The following RASA2 variants were observed in gnomAD, a reference collection of about 807,000 sequenced individuals.
RASA2 encodes the protein RAS p21 protein activator 2.
A neutral mutation model predicts 118.2 loss-of-function variants in RASA2; 155 were observed. The observed-to-expected ratio is 1.31, with a 90% CI of 1.15 to 1.50. The LOEUF is 1.50. Among genes scored for constraint, RASA2 ranks in the 40% most tolerant of loss-of-function variants. RASA2 has a pLI of 0.00. For missense variants in RASA2, 1,016 were observed against 1,009.6 expected (o/e 1.01, Z -0.09); for synonymous variants, 353 against 349.1 (o/e 1.01, Z -0.12).
At chr3:141,508,411 G>T (rs2081901499) in intron 1 of RASA2, among the ~76,000 whole-genome samples, 1 of 151,870 alleles carries the variant, frequency 6.6e-6, no homozygotes, top group Non-Finnish European at 1.5e-5. Context: ...TTGAGACAGG[G>T]TCTTGCTCTT....
chr3:141,545,837 T>A lies in RASA2; in HGVS notation c.527+5228T>A, dbSNP rs563601096. Reference sequence around the variant, plus strand: ...AATACGAGATCTTATCCATTATATCTAACTATATTTTTGTACCCTCACTTC... The same window carrying A: ...AATACGAGATCTTATCCATTATATCAAACTATATTTTTGTACCCTCACTTC... On this transcript the variant is annotated intron_variant, in intron 5 of 23. Coordinates refer to ENST00000286364, the MANE Select transcript of RASA2 (RefSeq NM_006506.5). Among the ~76,000 whole-genome samples, 14 of 152,276 alleles carry A rather than the reference T, an allele frequency of 9.2e-5. No homozygotes were observed. The East Asian group carries it at 1.7e-3, about 19-fold the overall frequency.
intron 15 of RASA2, among the ~76,000 whole-genome samples, chr3:141,577,378 A>T (rs1409713172): frequency 6.6e-6 from 1 of 152,116 alleles, no homozygotes; most frequent in Non-Finnish European, 1.5e-5. Flanking sequence ...ATATTTTTTC[A>T]TCTGCTACTG....
intron 12 of RASA2, 97 bp from the exon 13 acceptor site, chr3:141,573,050 A>T: frequency 9.1e-7 from 1 of 1,102,958 alleles, no homozygotes; most frequent in South Asian, 1.7e-5. Context: ...TACAGTTTAA[A>T]TTTCTATAAT....
intron 5 of RASA2, among the ~76,000 whole-genome samples, chr3:141,546,749 A>G (rs1467912698): frequency 6.6e-6 from 1 of 152,144 alleles, no homozygotes; most frequent in African/African-American, 2.4e-5. Flanking sequence ...GCTTGTGGCA[A>G]CCATTATGCA....
Position 141,570,973 on chromosome 3 carries a change from C to T in RASA2, c.925C>T (p.Leu309Phe), listed in dbSNP as rs1416116938. 6 of 1,612,482 alleles carry T rather than the reference C, an allele frequency of 3.7e-6. No homozygotes were observed. The highest frequency in any genetic ancestry group is 1.3e-5 in the African/African-American group (1 of 74,820). Reference sequence around the variant, plus strand: ...ATCCAAAACTGATGACCTGGGGTCTCTTCGATTAAATATATGTTATACAGA... The same window carrying T: ...ATCCAAAACTGATGACCTGGGGTCTTTTCGATTAAATATATGTTATACAGA... ...KSSKTDDLGS[L>F]RLNICYTEDY... The change falls in exon 10 of 24, where the codon CTT becomes TTT. Residue 309 changes from leucine (L) to phenylalanine (F), a missense_variant. Physicochemically the swap from Leu to Phe is conservative, Grantham distance 22 (BLOSUM62 0). Around this residue, in one of 2 missense-constraint regions of RASA2, gnomAD observed 896 missense variants for 836.4 expected, o/e 1.07. Coordinates refer to ENST00000286364, the MANE Select transcript of RASA2 (RefSeq NM_006506.5).
chr3:141,536,096 T>C (rs762359856), intron 4 of RASA2, among the ~76,000 whole-genome samples: 11 of 152,230 alleles, frequency 7.2e-5, no homozygotes, highest in Non-Finnish European at 1.3e-4. Context: ...CTTCAAATAG[T>C]ACCTGTATTA....
intron 19 of RASA2, chr3:141,587,002 C>G: frequency 2.1e-6 from 1 of 475,862 alleles, no homozygotes; most frequent in Non-Finnish European, 3.8e-6. Context: ...TTCTAAAAAT[C>G]CATAGTAATC....
chr3:141,611,741 A>G (rs1398266860), intron 23 of RASA2, among the ~76,000 whole-genome samples: 1 of 152,188 alleles, frequency 6.6e-6, no homozygotes, highest in East Asian at 1.9e-4. Context: ...CAATTTGACA[A>G]GTATAAATAT....
At chr3:141,536,601 C>T (rs1311037067) in intron 4 of RASA2, among the ~76,000 whole-genome samples, 4 of 152,044 alleles carry the variant, frequency 2.6e-5, no homozygotes, top group African/African-American at 4.8e-5. Context: ...TTATTAAAGA[C>T]GTATAATACA....
chr3:141,593,897 G>A (rs2083323274), intron 19 of RASA2, among the ~76,000 whole-genome samples: 1 of 152,172 alleles, frequency 6.6e-6, no homozygotes, highest in Non-Finnish European at 1.5e-5. Context: ...AGGCCAGTAT[G>A]TAATGGAACA....
intron 1 of RASA2, among the ~76,000 whole-genome samples, chr3:141,488,607 A>G (rs1174326090): frequency 6.6e-6 from 1 of 152,236 alleles, no homozygotes; most frequent in African/African-American, 2.4e-5. Context: ...AAGTGACACC[A>G]GAGAGGTAGA....
intron 19 of RASA2, among the ~76,000 whole-genome samples, chr3:141,589,569 G>A (rs1031025185): frequency 1.3e-5 from 2 of 152,088 alleles, no homozygotes; most frequent in South Asian, 2.1e-4. Flanking sequence ...CTGGCCGGGC[G>A]CGGTGGCTCA....
At chr3:141,563,582 C>A (rs1156424876) in intron 9 of RASA2, among the ~76,000 whole-genome samples, 1 of 151,928 alleles carries the variant, frequency 6.6e-6, no homozygotes, top group Non-Finnish European at 1.5e-5. Flanking sequence ...TACTGTGTGC[C>A]AGGAACTATT....
chr3:141,553,717 A>C, intron 5 of RASA2, 140 bp from the exon 6 acceptor site: 5 of 1,378,382 alleles, frequency 3.6e-6, no homozygotes, highest in Non-Finnish European at 4.7e-6. Context: ...TATTCCATAT[A>C]GGTAGTATAT....
intron 10 of RASA2, 121 bp downstream of exon 10, chr3:141,571,189 C>CAT (rs1405557200): frequency 9.1e-7 from 1 of 1,104,082 alleles, no homozygotes; most frequent in Non-Finnish European, 1.3e-6. Flanking sequence ...TATATACATA[C>CAT]ATATATATAC....
At chr3:141,598,876 G>A (rs1246589322) in intron 19 of RASA2, among the ~76,000 whole-genome samples, 1 of 152,084 alleles carries the variant, frequency 6.6e-6, no homozygotes, top group Non-Finnish European at 1.5e-5. Context: ...CTTGAGGTCA[G>A]GAGTTCAAGA....
intron 2 of RASA2, 52 bp from the exon 3 acceptor site, chr3:141,516,269 ATATTAAT>A (rs1218551088): frequency 1.0e-5 from 11 of 1,091,256 alleles, no homozygotes; most frequent in Non-Finnish European, 1.2e-5. Flanking sequence ...ATTGAAAGTG[ATATTAAT>A]TATTATTTAT....
chr3:141,548,277 T>G (rs1220801913), intron 5 of RASA2, among the ~76,000 whole-genome samples: 1 of 152,192 alleles, frequency 6.6e-6, no homozygotes, highest in Non-Finnish European at 1.5e-5. Context: ...TTGAAATATT[T>G]GGTAGAATTC....
chr3:141,533,640 G>C (rs1014421907), intron 4 of RASA2, among the ~76,000 whole-genome samples: 2 of 152,048 alleles, frequency 1.3e-5, no homozygotes, highest in Non-Finnish European at 2.9e-5. Context: ...TATTATTGCT[G>C]ATACTGTTAT....
Sources: gnomAD v4.1 joint callset for allele counts (sites outside exome capture counted in the v4.1 genomes callset) on GRCh38, gnomAD v4.1.1 for gene constraint, gnomAD v4.1.1 regional missense constraint, MANE v1.5 for transcripts, NCBI Gene and HGNC (gene_info 2026-07-23, HGNC 2026-07-21) for gene names.